The following NCALD variants were observed in gnomAD, a reference collection of about 807,000 sequenced individuals.
NCALD encodes neurocalcin-delta.
NCALD carries 10 observed loss-of-function variants against 18.6 expected under a neutral mutation model. That is an observed-to-expected ratio of 0.54 (90% CI 0.33 to 0.91). NCALD has a LOEUF of 0.91. NCALD is among the 40% of genes least tolerant of loss of function. NCALD has a pLI of 0.03. For missense variants in NCALD, 184 were observed against 247.6 expected (o/e 0.74, Z 1.72); for synonymous variants, 88 against 87.4 (o/e 1.01, Z -0.04).
At chr8:101,998,340 G>A (rs570243612) in intron 2 of NCALD, among the ~76,000 whole-genome samples, 1 of 152,126 alleles carries the variant, frequency 6.6e-6, no homozygotes, top group Non-Finnish European at 1.5e-5. Flanking sequence ...CAATTGCAAT[G>A]GGCGATTTTG....
chr8:101,763,716 TC>T (rs1181230765), intron 1 of NCALD, among the ~76,000 whole-genome samples: 1 of 152,082 alleles, frequency 6.6e-6, no homozygotes, highest in Non-Finnish European at 1.5e-5. Flanking sequence ...AATCTGACCC[TC>T]CTCCAAGTAA....
intron 4 of NCALD, among the ~76,000 whole-genome samples, chr8:101,836,695 A>G (rs1302709925): frequency 6.6e-6 from 1 of 152,242 alleles, no homozygotes; most frequent in Non-Finnish European, 1.5e-5. Flanking sequence ...TCATTACTCC[A>G]TAAGACTAGA....
chr8:101,716,174 A>G (rs1296331141), intron 2 of NCALD, among the ~76,000 whole-genome samples: 1 of 152,208 alleles, frequency 6.6e-6, no homozygotes. Context: ...TTGCTGGGAC[A>G]TGGATGAAGC....
chr8:101,979,203 A>G (rs1418728634), intron 2 of NCALD, among the ~76,000 whole-genome samples: 2 of 152,220 alleles, frequency 1.3e-5, no homozygotes, highest in Non-Finnish European at 1.5e-5. Context: ...CTAGTAAGTA[A>G]TCAGGAGGGC....
chr8:101,698,015 T>C (rs1345812520), intron 2 of NCALD, among the ~76,000 whole-genome samples: 1 of 152,188 alleles, frequency 6.6e-6, no homozygotes, highest in Non-Finnish European at 1.5e-5. Context: ...GCAGATGACA[T>C]GATTCTATAT....
At chr8:101,721,725 C>T (rs1816365309) in intron 1 of NCALD, among the ~76,000 whole-genome samples, 3 of 152,176 alleles carry the variant, frequency 2.0e-5, no homozygotes, top group African/African-American at 7.2e-5. Flanking sequence ...TGTTTTCTGA[C>T]TTCTGCACTG....
At chr8:101,727,616 G>A (rs74348535) in intron 1 of NCALD, among the ~76,000 whole-genome samples, 2,558 of 152,270 alleles carry the variant, frequency 0.017, 79 homozygotes, top group East Asian at 0.12. Context: ...GTGTAGCTGC[G>A]ACTACAGATG....
chr8:101,997,313 AAC>A (rs1324557819), intron 2 of NCALD, among the ~76,000 whole-genome samples: 1 of 152,234 alleles, frequency 6.6e-6, no homozygotes, highest in Non-Finnish European at 1.5e-5. Context: ...GAACAAAGGA[AAC>A]ACAGTGTAAA....
chr8:101,710,253 T>C (rs987689009), intron 2 of NCALD, among the ~76,000 whole-genome samples: 4 of 152,220 alleles, frequency 2.6e-5, no homozygotes, highest in Non-Finnish European at 4.4e-5. Context: ...TGCTTTTTCA[T>C]GGTCTTCACA....
intron 4 of NCALD, among the ~76,000 whole-genome samples, chr8:101,808,140 C>G (rs1165581639): frequency 1.3e-5 from 2 of 152,154 alleles, no homozygotes; most frequent in Non-Finnish European, 2.9e-5. Flanking sequence ...ACAGATTTCA[C>G]AGGCTCTAGA....
At chr8:101,814,086 G>A (rs1475823546) in intron 4 of NCALD, among the ~76,000 whole-genome samples, 1 of 151,996 alleles carries the variant, frequency 6.6e-6, no homozygotes. Flanking sequence ...AAACATTTAA[G>A]GAAGAAGTTA....
At chr8:101,980,650 C>T (rs1293665272) in intron 2 of NCALD, among the ~76,000 whole-genome samples, 1 of 152,160 alleles carries the variant, frequency 6.6e-6, no homozygotes. Context: ...GACGGTTTTA[C>T]ATTTCTCTAC....
At chr8:102,066,767 T>A (rs1487927112) in intron 1 of NCALD, among the ~76,000 whole-genome samples, 1 of 152,240 alleles carries the variant, frequency 6.6e-6, no homozygotes, top group African/African-American at 2.4e-5. Context: ...TGCACTAATT[T>A]ATGTTAAATC....
At chr8:101,738,009 T>C (rs1810002162) in intron 1 of NCALD, among the ~76,000 whole-genome samples, 1 of 152,192 alleles carries the variant, frequency 6.6e-6, no homozygotes, top group Non-Finnish European at 1.5e-5. Flanking sequence ...CTGGCAATCA[T>C]TCAGTTGGTA....
intron 2 of NCALD, among the ~76,000 whole-genome samples, chr8:101,695,047 A>G (rs1814924508): frequency 6.6e-6 from 1 of 152,174 alleles, no homozygotes; most frequent in East Asian, 1.9e-4. Flanking sequence ...GGCACCAACT[A>G]TGAAAACATG....
intron 3 of NCALD, among the ~76,000 whole-genome samples, chr8:101,896,167 A>T (rs1817160869): frequency 6.6e-6 from 1 of 151,868 alleles, no homozygotes; most frequent in Non-Finnish European, 1.5e-5. Flanking sequence ...CAAAACAGAG[A>T]TATAGATCAA....
chr8:102,066,472 G>C (rs1824012672), intron 1 of NCALD, among the ~76,000 whole-genome samples: 1 of 152,188 alleles, frequency 6.6e-6, no homozygotes, highest in Non-Finnish European at 1.5e-5. Flanking sequence ...GCACGGTGCT[G>C]GGCCCAGACA....
At chr8:101,917,915 T>C (rs576815409) in intron 2 of NCALD, among the ~76,000 whole-genome samples, 1 of 152,200 alleles carries the variant, frequency 6.6e-6, no homozygotes, top group Admixed American at 6.5e-5. Context: ...GAAGAGCTGG[T>C]ACCAATTTTA....
intron 2 of NCALD, among the ~76,000 whole-genome samples, chr8:101,944,953 T>A (rs1819110610): frequency 6.6e-6 from 1 of 152,232 alleles, no homozygotes; most frequent in Non-Finnish European, 1.5e-5. Context: ...TAGCCTTTCC[T>A]TTTAGTTGGG....
Sources: gnomAD v4.1 joint callset for allele counts (sites outside exome capture counted in the v4.1 genomes callset) on GRCh38, gnomAD v4.1.1 for gene constraint, MANE v1.5 for transcripts, NCBI Gene and HGNC (gene_info 2026-07-23, HGNC 2026-07-21) for gene names.